The following TENM4 variants were observed in gnomAD, a reference collection of about 807,000 sequenced individuals.
The protein encoded by TENM4 is teneurin-4.
Under a neutral mutation model 243.3 loss-of-function variants are expected in TENM4, and 82 were observed. That is an observed-to-expected ratio of 0.34 (90% confidence interval 0.28 to 0.40). The LOEUF is 0.40. Ranked by LOEUF, TENM4 falls within the 10% of genes least tolerant of loss-of-function variation. The pLI is 1.00. For synonymous variants in TENM4, 1,412 were observed against 1,456.3 expected (o/e 0.97, Z 0.69); for missense variants, 3,138 against 3,673.3 (o/e 0.85, Z 3.77).
intron 1 of TENM4, among the ~76,000 whole-genome samples, chr11:79,410,202 T>C (rs1402938068): frequency 6.6e-6 from 1 of 152,168 alleles, no homozygotes; most frequent in Non-Finnish European, 1.5e-5. Context: ...CTTCCTTACT[T>C]TCTCAGCAGG....
intron 4 of TENM4, among the ~76,000 whole-genome samples, chr11:79,071,024 G>A (rs992196743): frequency 1.3e-5 from 2 of 152,076 alleles, no homozygotes; most frequent in South Asian, 2.1e-4. Flanking sequence ...TCTGACTGGT[G>A]GGAAGCTCCT....
chr11:79,098,752 T>G (rs1861149395), intron 4 of TENM4, among the ~76,000 whole-genome samples: 1 of 152,216 alleles, frequency 6.6e-6, no homozygotes, highest in Non-Finnish European at 1.5e-5. Flanking sequence ...AAAATGAGGC[T>G]AATGAGTCCT....
chr11:79,416,252 T>A (rs1476324529), intron 1 of TENM4, among the ~76,000 whole-genome samples: 1 of 152,198 alleles, frequency 6.6e-6, no homozygotes, highest in East Asian at 1.9e-4. Context: ...CTGGGGTAAA[T>A]ACCTAGGAGT....
At chr11:79,344,690 A>C (rs1313203497) in intron 1 of TENM4, among the ~76,000 whole-genome samples, 1 of 152,242 alleles carries the variant, frequency 6.6e-6, no homozygotes, top group African/African-American at 2.4e-5. Flanking sequence ...TGACCCTTCC[A>C]GAATGACAAT....
intron 20 of TENM4, among the ~76,000 whole-genome samples, chr11:78,733,468 G>A (rs922417463): frequency 2.0e-5 from 3 of 152,144 alleles, no homozygotes; most frequent in African/African-American, 4.8e-5. Context: ...AGGCTTGTGG[G>A]GATTGTACAG....
intron 1 of TENM4, among the ~76,000 whole-genome samples, chr11:79,421,891 G>T (rs1858939786): frequency 6.6e-6 from 1 of 152,058 alleles, no homozygotes; most frequent in South Asian, 2.1e-4. Flanking sequence ...TGTCGGGGTG[G>T]TTTAGAGCTG....
At chr11:78,829,005 G>C (rs929365904) in intron 12 of TENM4, among the ~76,000 whole-genome samples, 2 of 152,266 alleles carry the variant, frequency 1.3e-5, no homozygotes, top group African/African-American at 4.8e-5. Context: ...CACCCAGTGG[G>C]AGGTTTGGAA....
intron 1 of TENM4, among the ~76,000 whole-genome samples, chr11:79,414,205 C>T (rs193242420): frequency 2.0e-4 from 30 of 152,160 alleles, no homozygotes; most frequent in African/African-American, 6.3e-4. Context: ...TGCACATGCA[C>T]GCACTGGAAA....
intron 1 of TENM4, among the ~76,000 whole-genome samples, chr11:79,411,879 T>C (rs1858708220): frequency 6.6e-6 from 1 of 152,224 alleles, no homozygotes; most frequent in African/African-American, 2.4e-5. Context: ...AGACAAGTAT[T>C]GGGCAGCAAT....
At chr11:78,688,030 TC>T in intron 29 of TENM4, 23 bp downstream of exon 29, 1 of 1,610,476 alleles carries the variant, frequency 6.2e-7, no homozygotes, top group Non-Finnish European at 8.5e-7. Flanking sequence ...TGCCTCAAAG[TC>T]CCCTGGCCCC....
At chr11:79,266,067 C>A (rs1478789116) in intron 2 of TENM4, among the ~76,000 whole-genome samples, 1 of 152,226 alleles carries the variant, frequency 6.6e-6, no homozygotes, top group Non-Finnish European at 1.5e-5. Context: ...GCACTCAGCT[C>A]TTACTGCTGT....
chr11:79,419,071 C>A (rs560533717), intron 1 of TENM4, among the ~76,000 whole-genome samples: 1 of 152,334 alleles, frequency 6.6e-6, no homozygotes, highest in Non-Finnish European at 1.5e-5. Context: ...TTAGCTCATA[C>A]TTGTTTGAAG....
At chr11:78,938,102 T>C (rs1362275171) in intron 6 of TENM4, among the ~76,000 whole-genome samples, 1 of 152,182 alleles carries the variant, frequency 6.6e-6, no homozygotes, top group Non-Finnish European at 1.5e-5. Context: ...GTTTGGGTCT[T>C]AATCAAAAAC....
intron 21 of TENM4, among the ~76,000 whole-genome samples, 189 bp downstream of exon 21, chr11:78,732,127 G>A (rs1855682551): frequency 6.6e-6 from 1 of 152,184 alleles, no homozygotes; most frequent in Non-Finnish European, 1.5e-5. Context: ...ATGTGTAAGA[G>A]GGGTGCCCCT....
At chr11:79,080,190 T>C (rs1860631514) in intron 4 of TENM4, among the ~76,000 whole-genome samples, 1 of 152,328 alleles carries the variant, frequency 6.6e-6, no homozygotes, top group Middle Eastern at 3.4e-3. Flanking sequence ...CTGGTGACCT[T>C]TTCCTTGGGT....
intron 5 of TENM4, 54 bp downstream of exon 5, chr11:79,069,668 A>C: frequency 6.6e-7 from 1 of 1,509,168 alleles, no homozygotes; most frequent in Non-Finnish European, 8.9e-7. Context: ...GCCCATGCCT[A>C]CCTGAGCCAA....
At chr11:78,878,680 T>C (rs752529284) in intron 9 of TENM4, among the ~76,000 whole-genome samples, 3 of 152,144 alleles carry the variant, frequency 2.0e-5, no homozygotes, top group African/African-American at 4.8e-5. Context: ...TGTGGGGAAA[T>C]TGGATACCTG....
intron 1 of TENM4, among the ~76,000 whole-genome samples, chr11:79,327,238 C>A (rs1330552666): frequency 6.6e-6 from 1 of 152,132 alleles, no homozygotes; most frequent in African/African-American, 2.4e-5. Flanking sequence ...AGTATTTCTA[C>A]AAAAATAAAA....
chr11:79,192,057 T>C (rs1863517034), intron 3 of TENM4, among the ~76,000 whole-genome samples: 2 of 144,696 alleles, frequency 1.4e-5, no homozygotes, highest in South Asian at 4.7e-4. Flanking sequence ...CAGGAGCCCC[T>C]CTGCCCAGCC....
Sources: allele counts gnomAD v4.1 joint callset (sites outside exome capture counted in the v4.1 genomes callset), GRCh38; gene constraint gnomAD v4.1.1; transcripts MANE v1.5; gene names NCBI Gene and HGNC (gene_info 2026-07-23, HGNC 2026-07-21).